RAB27A: variants seen among roughly 807,000 people sequenced by gnomAD.
The protein encoded by RAB27A is RAB27A, member RAS oncogene family.
Under a neutral mutation model 20.8 loss-of-function variants are expected in RAB27A, and 17 were observed. The observed-to-expected ratio is 0.82, with a 90% CI of 0.56 to 1.23. The LOEUF (loss-of-function observed/expected upper bound fraction) is 1.23, where lower values mean the gene tolerates loss of function less well. Ranked by LOEUF, RAB27A falls within the 50% of genes most tolerant of loss-of-function variation. RAB27A has a pLI of 0.00. For missense variants in RAB27A, 277 were observed against 266.7 expected (o/e 1.04, Z -0.27); for synonymous variants, 85 against 92.8 (o/e 0.92, Z 0.48).
At chr15:55,316,503 G>C (rs764831030) in intron 1 of RAB27A, among the ~76,000 whole-genome samples, 1 of 151,294 alleles carries the variant, frequency 6.6e-6, no homozygotes, top group Non-Finnish European at 1.5e-5. Context: ...CCTAGATGAC[G>C]GGTTGACAGG....
intron 2 of RAB27A, among the ~76,000 whole-genome samples, chr15:55,309,016 T>C (rs376662854): frequency 2.6e-5 from 4 of 152,296 alleles, no homozygotes; most frequent in African/African-American, 9.6e-5. Context: ...TTATGACATA[T>C]AAAGAAAAGT....
At chr15:55,271,785 T>C (rs1011984562) in intron 1 of RAB27A, among the ~76,000 whole-genome samples, 1 of 151,730 alleles carries the variant, frequency 6.6e-6, no homozygotes. Flanking sequence ...TAGGAGAAGC[T>C]ACGCTTTCAT....
chr15:55,214,986 A>G (rs964175353), intron 6 of RAB27A, among the ~76,000 whole-genome samples: 3 of 152,192 alleles, frequency 2.0e-5, no homozygotes, highest in Non-Finnish European at 4.4e-5. Flanking sequence ...AACATTTCTT[A>G]TACTTAAGGA....
intron 6 of RAB27A, among the ~76,000 whole-genome samples, chr15:55,218,147 T>C (rs188140028): frequency 2.4e-3 from 364 of 152,358 alleles, no homozygotes; most frequent in African/African-American, 8.3e-3. Context: ...GATATTTGGC[T>C]CACATGTAGA....
At chr15:55,294,034 A>T (rs1191349556), upstream of RAB27A, among the ~76,000 whole-genome samples, 2 of 152,226 alleles carry the variant, frequency 1.3e-5, no homozygotes, top group African/African-American at 4.8e-5. Flanking sequence ...GAAGAAATGG[A>T]AAAGTGTATG....
chr15:55,293,235 T>C (rs111857384), upstream of RAB27A, among the ~76,000 whole-genome samples: 17 of 152,280 alleles, frequency 1.1e-4, no homozygotes, highest in African/African-American at 3.6e-4. Flanking sequence ...TATGTATGTA[T>C]TATCTAGCTC....
At chr15:55,209,728 A>G (rs934136165) in intron 6 of RAB27A, among the ~76,000 whole-genome samples, 26 of 148,872 alleles carry the variant, frequency 1.7e-4, no homozygotes, top group African/African-American at 5.8e-4. Flanking sequence ...TAATATATAT[A>G]CACATATATA....
chr15:55,252,463 G>T (rs774653388), intron 2 of RAB27A, among the ~76,000 whole-genome samples: 4 of 152,002 alleles, frequency 2.6e-5, no homozygotes, highest in African/African-American at 9.7e-5. Context: ...TTAGCTAGGC[G>T]TGGGGACACG....
chr15:55,229,169 C>T (rs908334868), intron 4 of RAB27A, among the ~76,000 whole-genome samples: 7 of 152,116 alleles, frequency 4.6e-5, no homozygotes, highest in Admixed American at 2.0e-4. Flanking sequence ...ACTCTGCCTT[C>T]CAAGGCTTTA....
chr15:55,250,775 C>A (rs1566920607), intron 2 of RAB27A, among the ~76,000 whole-genome samples: 1 of 152,170 alleles, frequency 6.6e-6, no homozygotes, highest in Non-Finnish European at 1.5e-5. Flanking sequence ...ACAGTCAGTT[C>A]CTGCATAGGA....
intron 2 of RAB27A, among the ~76,000 whole-genome samples, chr15:55,309,118 T>C (rs2055009699): frequency 6.6e-6 from 1 of 152,230 alleles, no homozygotes; most frequent in East Asian, 1.9e-4. Context: ...TCCATCTTAC[T>C]AAATGGGTAT....
chr15:55,256,836 A>G (rs981557507), intron 2 of RAB27A, among the ~76,000 whole-genome samples: 10 of 152,318 alleles, frequency 6.6e-5, no homozygotes, highest in African/African-American at 2.4e-4. Context: ...GTCTCTTTCC[A>G]ACACAGACAT....
chr15:55,227,428 C>T (rs1346625412), intron 5 of RAB27A, among the ~76,000 whole-genome samples: 1 of 152,122 alleles, frequency 6.6e-6, no homozygotes, highest in East Asian at 1.9e-4. Context: ...CATTCAGCTA[C>T]AAGGGAAATA....
rs953437266 is a variant in RAB27A at position 55,209,798 on chromosome 15, A to G, written c.468-4093T>C. 2.5e-4 allele frequency among the ~76,000 whole-genome samples: 35 copies of G among 140,486 alleles called. 6 individuals carry two copies. Among genetic ancestry groups the G allele is most frequent in the African/African-American group, 9.4e-4 (32 of 34,122 alleles). 92.2% of individuals were successfully genotyped at this position (140,486 alleles called of 152,430 possible). ...TATATACACACATATGTGTGTATGT[A>G]TACATATATACACACATGTGTGTAT... On this transcript the variant is annotated intron_variant, in intron 6 of 6. Coordinates refer to ENST00000336787, the MANE Select transcript of RAB27A (RefSeq NM_183235.3).
chr15:55,295,348 T>G (rs1187456709), intron 2 of RAB27A, among the ~76,000 whole-genome samples: 1 of 152,194 alleles, frequency 6.6e-6, no homozygotes, highest in Non-Finnish European at 1.5e-5. Context: ...TTCCTAGAAC[T>G]ATGCCTAAAA....
Position 55,203,328 on chromosome 15 carries a change from A to T in RAB27A, c.*2179T>A, listed in dbSNP as rs1053354745. 6.6e-6 allele frequency: 1 copy of T among 151,764 alleles called. No homozygotes were observed. The highest frequency in any genetic ancestry group is 2.4e-5 in the African/African-American group (1 of 41,274). 9.4% of individuals were successfully genotyped at this position (151,764 alleles called of 1,614,324 possible). On this transcript the variant is annotated 3_prime_UTR_variant, in exon 7 of 7. Coordinates refer to ENST00000336787, the MANE Select transcript of RAB27A (RefSeq NM_183235.3). ...AATACACCATATAGAATATGCCCTG[A>T]TATGTAGCTGTAAAATTATGTTGTA... is the stretch of plus-strand genomic sequence containing the variant.
In RAB27A at chr15:55,246,334, G is replaced by A. The variant is rs117699675; in HGVS notation, c.-22-11378C>T. ...AGGCAAATAACACAAACAACTGTAT[G>A]TTAGGAAACAAGAGGCGTTGAAATG... On this transcript the variant is annotated intron_variant, in intron 2 of 6. Transcript: ENST00000336787. 6.7e-3 allele frequency among the ~76,000 whole-genome samples: 1,021 copies of A among 152,188 alleles called. 5 individuals are homozygous for A. The highest frequency in any genetic ancestry group is 0.011 in the Non-Finnish European group (722 of 67,996).
rs1228284694 is a variant in RAB27A at position 55,302,443 on chromosome 15, G to A, written c.-112+11596C>T. Among the ~76,000 whole-genome samples the A allele has an allele frequency of 3.9e-5, 6 of 152,202 alleles. No individual in the cohort carries two copies. In the East Asian group the frequency reaches 5.8e-4, roughly 15 times the overall value. ...TCACTACAACCTACACCTCCCAGCCGCCTGCCTTGGCCTCCCAAAGTGCCG... is the reference window on the plus strand; with the variant it reads ...TCACTACAACCTACACCTCCCAGCCACCTGCCTTGGCCTCCCAAAGTGCCG... On this transcript the variant is annotated intron_variant, in intron 2 of 5. Transcript: ENST00000563262.
chr15:55,251,244 T>C (rs1468353234), intron 2 of RAB27A, among the ~76,000 whole-genome samples: 4 of 152,194 alleles, frequency 2.6e-5, no homozygotes, highest in Admixed American at 1.3e-4. Context: ...GCTTTGGGTG[T>C]CCCTGGTGAG....
Sources: allele counts gnomAD v4.1 joint callset (sites outside exome capture counted in the v4.1 genomes callset), GRCh38; gene constraint gnomAD v4.1.1; transcripts MANE v1.5; gene names NCBI Gene and HGNC (gene_info 2026-07-23, HGNC 2026-07-21).